The following SPON1 variants were observed in gnomAD, a reference collection of about 807,000 sequenced individuals.
The protein encoded by SPON1 is spondin 1.
Under a neutral mutation model 111.7 loss-of-function variants are expected in SPON1, and 52 were observed. The ratio of observed to expected loss-of-function variants is 0.47; its 90% confidence interval spans 0.37 to 0.59. SPON1 has a LOEUF of 0.59. Ranked by LOEUF, SPON1 falls within the 20% of genes least tolerant of loss-of-function variation. The pLI, the probability that SPON1 is intolerant of heterozygous loss-of-function variation, is 0.00. For synonymous variants in SPON1, 410 were observed against 395.8 expected (o/e 1.04, Z -0.43); for missense variants, 957 against 1,068.5 (o/e 0.90, Z 1.46).
At position 14,160,814 on chromosome 11, in the gene SPON1, T is replaced by A. The variant is rs191707004; in HGVS notation, c.825+25246T>A. Among the ~76,000 whole-genome samples, 16 of 31,492 alleles carry A rather than the reference T, an allele frequency of 5.1e-4. 1 individual carries two copies. The highest frequency in any genetic ancestry group is 1.6e-3 in the African/African-American group (14 of 8,968). The allele number at this position is 31,492 out of a possible 152,430, so 20.7% of individuals were successfully genotyped here. ...TATTTATATATTTTTATATATATTT[T>A]TATATATATTTTATATATATTTATA... On this transcript the variant is annotated intron_variant, in intron 6 of 15. Coordinates refer to ENST00000576479, the MANE Select transcript of SPON1 (RefSeq NM_006108.4).
intron 6 of SPON1, among the ~76,000 whole-genome samples, chr11:14,162,363 T>A (rs983883643): frequency 6.6e-6 from 1 of 152,148 alleles, no homozygotes; most frequent in Non-Finnish European, 1.5e-5. Flanking sequence ...TAAAGAAGAA[T>A]GTGTTAAAGC....
At position 14,261,682 on chromosome 11, in the gene SPON1, A is replaced by G. The variant is rs377436748; in HGVS notation, c.1996+930A>G. Among the ~76,000 whole-genome samples the G allele has an allele frequency of 1.2e-3, 181 of 152,310 alleles. 2 individuals are homozygous for G. Among genetic ancestry groups the G allele is most frequent in the African/African-American group, 4.2e-3 (176 of 41,580 alleles). On this transcript the variant is annotated intron_variant, in intron 14 of 15. Coordinates refer to ENST00000576479, the MANE Select transcript of SPON1 (RefSeq NM_006108.4). Reference sequence around the variant, plus strand: ...CCACTAGAGAAAGCCTGGGGTTTTCAGTAACTAAGATTGGCCCATGGTTCA... The same window carrying G: ...CCACTAGAGAAAGCCTGGGGTTTTCGGTAACTAAGATTGGCCCATGGTTCA...
intron 6 of SPON1, among the ~76,000 whole-genome samples, chr11:14,159,839 A>G (rs917536709): frequency 4.6e-5 from 6 of 131,000 alleles, no homozygotes; most frequent in African/African-American, 1.4e-4. Context: ...AATCAAAACA[A>G]TTGAACTCCT....
intron 6 of SPON1, among the ~76,000 whole-genome samples, chr11:14,136,661 G>C (rs1340464744): frequency 6.6e-6 from 1 of 152,172 alleles, no homozygotes; most frequent in Non-Finnish European, 1.5e-5. Context: ...TGAGGAATCA[G>C]TTTGGACTAG....
intron 3 of SPON1, among the ~76,000 whole-genome samples, chr11:14,061,675 G>A (rs1848792033): frequency 6.6e-6 from 1 of 152,128 alleles, no homozygotes; most frequent in Non-Finnish European, 1.5e-5. Context: ...TACAAATAGA[G>A]GAAAACAAAA....
chr11:14,020,537 C>T (rs1554914702), intron 2 of SPON1, among the ~76,000 whole-genome samples: 1 of 152,122 alleles, frequency 6.6e-6, no homozygotes, highest in African/African-American at 2.4e-5. Context: ...ATGCTCATAC[C>T]CTTTAACTCT....
chr11:14,051,802 T>C (rs1187396835), intron 3 of SPON1, among the ~76,000 whole-genome samples: 3 of 152,236 alleles, frequency 2.0e-5, no homozygotes, highest in Non-Finnish European at 4.4e-5. Flanking sequence ...AATCAAATAA[T>C]AAGTAGCTTA....
At chr11:14,264,401 TC>T (rs1232360974) in intron 15 of SPON1, among the ~76,000 whole-genome samples, 6 of 152,204 alleles carry the variant, frequency 3.9e-5, no homozygotes, top group African/African-American at 1.4e-4. Flanking sequence ...ACTTCAGAGT[TC>T]CAGGACTTCA....
At chr11:14,255,318 C>T (rs1307945069) in intron 8 of SPON1, among the ~76,000 whole-genome samples, 2 of 152,202 alleles carry the variant, frequency 1.3e-5, no homozygotes, top group Admixed American at 6.5e-5. Flanking sequence ...TGGCCCTTTA[C>T]TAAAAAAGTT....
At chr11:13,968,465 G>A (rs569833522) in intron 1 of SPON1, among the ~76,000 whole-genome samples, 1 of 152,260 alleles carries the variant, frequency 6.6e-6, no homozygotes, top group Non-Finnish European at 1.5e-5. Context: ...CACAATGACT[G>A]TTGAAAATTT....
intron 2 of SPON1, among the ~76,000 whole-genome samples, chr11:14,023,924 C>G (rs1278292101): frequency 6.6e-6 from 1 of 152,040 alleles, no homozygotes; most frequent in Non-Finnish European, 1.5e-5. Context: ...ATCACTTGAA[C>G]CCGGGAGGCC....
chr11:14,116,739 C>A (rs573035960), intron 5 of SPON1, among the ~76,000 whole-genome samples: 2 of 151,842 alleles, frequency 1.3e-5, no homozygotes, highest in Non-Finnish European at 2.9e-5. Context: ...GAATCATGAT[C>A]GATTTATATT....
At chr11:14,211,195 T>C (rs1554936693) in intron 6 of SPON1, among the ~76,000 whole-genome samples, 1 of 152,190 alleles carries the variant, frequency 6.6e-6, no homozygotes, top group East Asian at 1.9e-4. Context: ...AAATTGTCTG[T>C]GTTTGCAGAT....
intron 7 of SPON1, among the ~76,000 whole-genome samples, chr11:14,245,226 T>C (rs1403740669): frequency 6.6e-6 from 1 of 152,156 alleles, no homozygotes; most frequent in African/African-American, 2.4e-5. Context: ...CACTCATAGC[T>C]GACTGCCTGG....
chr11:14,232,248 A>G (rs1848811589), intron 6 of SPON1, among the ~76,000 whole-genome samples: 1 of 151,952 alleles, frequency 6.6e-6, no homozygotes, highest in East Asian at 1.9e-4. Flanking sequence ...CGGAGAGCTA[A>G]TCAGCACTGG....
intron 2 of SPON1, among the ~76,000 whole-genome samples, chr11:14,039,927 A>C (rs1174058626): frequency 6.6e-6 from 1 of 152,204 alleles, no homozygotes; most frequent in Admixed American, 6.5e-5. Context: ...AAACCTGATA[A>C]ATTTGTGAAG....
chr11:14,106,197 T>C, intron 5 of SPON1, among the ~76,000 whole-genome samples: 1 of 152,208 alleles, frequency 6.6e-6, no homozygotes, highest in East Asian at 1.9e-4. Flanking sequence ...ATTTTTCATT[T>C]ACTATTTCCT....
At chr11:14,223,135 C>A (rs573436603) in intron 6 of SPON1, among the ~76,000 whole-genome samples, 1 of 152,098 alleles carries the variant, frequency 6.6e-6, no homozygotes, top group East Asian at 1.9e-4. Context: ...GAGGCTGAGG[C>A]GGGTGGATCA....
chr11:14,052,846 C>T (rs996215412), intron 3 of SPON1, among the ~76,000 whole-genome samples: 24 of 152,138 alleles, frequency 1.6e-4, no homozygotes, highest in Admixed American at 9.8e-4. Context: ...TACAGGCTGC[C>T]GAGGAACAGG....
Sources: allele counts gnomAD v4.1 joint callset (sites outside exome capture counted in the v4.1 genomes callset), GRCh38; gene constraint gnomAD v4.1.1; transcripts MANE v1.5; gene names NCBI Gene and HGNC (gene_info 2026-07-23, HGNC 2026-07-21).